Variants in MACC1 observed in about 807,000 individuals in gnomAD.
MACC1 encodes MET transcriptional regulator MACC1.
MACC1 carries 79 observed loss-of-function variants against 70.7 expected under a neutral mutation model. The ratio of observed to expected loss-of-function variants is 1.12; its 90% CI spans 0.93 to 1.35. The LOEUF (loss-of-function observed/expected upper bound fraction) is 1.35, where lower values mean the gene tolerates loss of function less well. Among genes scored for constraint, MACC1 ranks in the 40% most tolerant of loss-of-function variants. The pLI is 0.00. For missense variants in MACC1, 1,106 were observed against 978.1 expected, an observed-to-expected ratio of 1.13 and a Z score of -1.74; for synonymous variants, 361 against 347.2, an observed-to-expected ratio of 1.04 and a Z score of -0.44.
chr7:20,162,126 A>T (rs1782147896), intron 3 of MACC1, among the ~76,000 whole-genome samples: 2 of 152,076 alleles, frequency 1.3e-5, no homozygotes, highest in Non-Finnish European at 2.9e-5. Flanking sequence ...TATAAAAGCA[A>T]TTAATGAGAA....
Position 20,140,995 on chromosome 7 carries a change from G to A in MACC1, c.2510C>T (p.Ser837Phe), listed in dbSNP as rs1349484259. ...ELTGVLILVNSLEVLRVTAFS... is the reference protein window; with the variant it reads ...ELTGVLILVNFLEVLRVTAFS... ...TGCAGTTACTCTCAAAACCTCCAAAGAATTTACTAGTATTAAAACTCCAGT... is the reference window on the plus strand; with the variant it reads ...TGCAGTTACTCTCAAAACCTCCAAAAAATTTACTAGTATTAAAACTCCAGT... The change falls in exon 7 of 7, where the codon TCT becomes TTT. Residue 837 changes from serine (S) to phenylalanine (F), a missense_variant. Physicochemically the swap from Ser to Phe is radical, Grantham distance 155. Coordinates refer to ENST00000400331, the MANE Select transcript of MACC1 (RefSeq NM_182762.4). The A allele has an allele frequency of 6.2e-7, 1 of 1,613,752 alleles. No homozygotes were observed. Among genetic ancestry groups the A allele is most frequent in the Admixed American group, 1.7e-5 (1 of 59,968 alleles).
chr7:20,211,223 T>C (rs115499454), intron 1 of MACC1, among the ~76,000 whole-genome samples: 2,215 of 152,200 alleles, frequency 0.015, 55 homozygotes, highest in African/African-American at 0.05. Context: ...AGTTTCTTCA[T>C]CTCTAAAAGA....
intron 1 of MACC1, among the ~76,000 whole-genome samples, chr7:20,191,870 C>T (rs1251606292): frequency 6.6e-6 from 1 of 152,184 alleles, no homozygotes; most frequent in East Asian, 1.9e-4. Flanking sequence ...GCTTGCACAC[C>T]TACTGTCTTC....
intron 1 of MACC1, among the ~76,000 whole-genome samples, chr7:20,177,784 C>G (rs1456743947): frequency 7.3e-5 from 11 of 150,352 alleles, no homozygotes; most frequent in Admixed American, 7.3e-4. Context: ...GTCATAAATC[C>G]AATGAAATAA....
chr7:20,191,931 C>T (rs2128107189), intron 1 of MACC1, among the ~76,000 whole-genome samples: 1 of 152,208 alleles, frequency 6.6e-6, no homozygotes, highest in Non-Finnish European at 1.5e-5. Context: ...CCTAAAGTTG[C>T]TAATGGAAAT....
chr7:20,172,486 CAT>C (rs1323210473), intron 1 of MACC1, among the ~76,000 whole-genome samples: 4 of 151,956 alleles, frequency 2.6e-5, no homozygotes, highest in South Asian at 2.1e-4. Context: ...TATATACGCA[CAT>C]ATATATACAC....
intron 1 of MACC1, among the ~76,000 whole-genome samples, chr7:20,195,463 T>C (rs1782736616): frequency 6.6e-6 from 1 of 152,216 alleles, no homozygotes; most frequent in Non-Finnish European, 1.5e-5. Context: ...ACATATGTAT[T>C]CAACAGTCTA....
Position 20,181,458 on chromosome 7 carries a change from G to T in MACC1, c.-217-10680C>A, listed in dbSNP as rs1782505551. ...AATACATATTAACGAAGTTAGGTTT[G>T]CCAGGAACAAATGACTGCTTAAGCA... On this transcript the variant is annotated intron_variant, in intron 1 of 6. Transcript: ENST00000400331. 2.0e-5 allele frequency among the ~76,000 whole-genome samples: 3 copies of T among 152,092 alleles called. No homozygotes were observed. The South Asian group carries it at 6.2e-4, about 32-fold the overall frequency.
At position 20,159,108 on chromosome 7, in the gene MACC1, T is replaced by C. The variant is rs779138414; in HGVS notation, c.1253A>G (p.Gln418Arg). ...TAAAAATGACTGCTTCCCCCAGAGC[T>C]GAAACACAACTGGAGATATGTTTTT... ...GGKNISPVVF[Q>R]LWGKQSFLLD... Residue 418 changes from glutamine (Q) to arginine (R), a missense_variant, in exon 5 of 7, where the codon CAG becomes CGG. Transcript: ENST00000400331. The C allele has an allele frequency of 1.2e-6, 2 of 1,613,644 alleles. No individual in the cohort carries two copies. Among genetic ancestry groups the C allele is most frequent in the East Asian group, 2.2e-5 (1 of 44,866 alleles).
At chr7:20,194,171 A>T (rs968723699) in intron 1 of MACC1, among the ~76,000 whole-genome samples, 7 of 152,198 alleles carry the variant, frequency 4.6e-5, no homozygotes, top group African/African-American at 1.7e-4. Flanking sequence ...CCATTTGAAA[A>T]GCAGAGAATT....
At chr7:20,173,171 A>T (rs1403845223) in intron 1 of MACC1, among the ~76,000 whole-genome samples, 1 of 152,216 alleles carries the variant, frequency 6.6e-6, no homozygotes, top group African/African-American at 2.4e-5. Context: ...TTTCTGGGAG[A>T]TAAATTGAGA....
chr7:20,153,096 G>A (rs148108021), intron 6 of MACC1, among the ~76,000 whole-genome samples: 1 of 152,276 alleles, frequency 6.6e-6, no homozygotes, highest in East Asian at 1.9e-4. Context: ...TAGTCTCTGA[G>A]GGGAAAGACA....
chr7:20,178,421 T>C (rs73276461), intron 1 of MACC1, among the ~76,000 whole-genome samples: 1 of 152,078 alleles, frequency 6.6e-6, no homozygotes, highest in African/African-American at 2.4e-5. Context: ...CTTCAACATT[T>C]TGAAGACATT....
intron 1 of MACC1, among the ~76,000 whole-genome samples, chr7:20,175,012 T>A (rs762157039): frequency 1.3e-5 from 2 of 152,108 alleles, no homozygotes; most frequent in African/African-American, 2.4e-5. Flanking sequence ...ATCTTCTCAG[T>A]TCTCCTATTT....
intron 1 of MACC1, among the ~76,000 whole-genome samples, chr7:20,178,386 A>G (rs750883114): frequency 2.6e-5 from 4 of 152,108 alleles, no homozygotes; most frequent in Non-Finnish European, 5.9e-5. Flanking sequence ...TTTGTCCTGA[A>G]TTAACAAGGT....
intron 1 of MACC1, among the ~76,000 whole-genome samples, chr7:20,209,182 G>A (rs112799883): frequency 0.033 from 5,080 of 152,290 alleles, 100 homozygotes; most frequent in African/African-American, 0.051. Flanking sequence ...CACATAGTCC[G>A]CTCTGGGGCA....
chr7:20,155,090 C>G (rs1418553231), intron 5 of MACC1, among the ~76,000 whole-genome samples: 3 of 152,182 alleles, frequency 2.0e-5, no homozygotes, highest in Admixed American at 6.5e-5. Context: ...CCATCAGGCT[C>G]TTACCTAACC....
At chr7:20,144,778 G>A (rs1269727696) in intron 6 of MACC1, among the ~76,000 whole-genome samples, 1 of 152,072 alleles carries the variant, frequency 6.6e-6, no homozygotes, top group African/African-American at 2.4e-5. Context: ...GTGCTACAGG[G>A]ATGGCAAAAC....
At chr7:20,212,384 C>A (rs1031035114) in intron 1 of MACC1, among the ~76,000 whole-genome samples, 1 of 152,084 alleles carries the variant, frequency 6.6e-6, no homozygotes. Context: ...CAAGGAAGGC[C>A]CCTATAAAGA....
Sources: allele counts gnomAD v4.1 joint callset (sites outside exome capture counted in the v4.1 genomes callset), GRCh38; gene constraint gnomAD v4.1.1; transcripts MANE v1.5; gene names NCBI Gene and HGNC (gene_info 2026-07-23, HGNC 2026-07-21).